Variants in ABRAXAS2 observed in about 807,000 individuals in gnomAD.
ABRAXAS2 encodes the protein abraxas 2, BRISC complex subunit, also known as BRISC complex subunit Abraxas 2.
In ABRAXAS2, 23 loss-of-function variants were observed where a neutral mutation model predicts 49.0. The ratio of observed to expected loss-of-function variants is 0.47; its 90% confidence interval spans 0.34 to 0.66. The LOEUF is 0.66. Among genes scored for constraint, ABRAXAS2 ranks in the 30% least tolerant of loss-of-function variants. The pLI, the probability that ABRAXAS2 is intolerant of heterozygous loss-of-function variation, is 0.01. For synonymous variants in ABRAXAS2, 168 were observed against 180.2 expected, an observed-to-expected ratio of 0.93 and a Z score of 0.54; for missense variants, 443 against 511.9, an observed-to-expected ratio of 0.87 and a Z score of 1.30.
intron 8 of ABRAXAS2, among the ~76,000 whole-genome samples, chr10:124,833,578 G>A (rs1428007336): frequency 6.6e-6 from 1 of 152,180 alleles, no homozygotes; most frequent in Non-Finnish European, 1.5e-5. Flanking sequence ...AGTTCAGCAA[G>A]GATTAGTGAC....
At chr10:124,819,501 G>A (rs757754050) in intron 4 of ABRAXAS2, 51 bp downstream of exon 4, 63 of 1,504,580 alleles carry the variant, frequency 4.2e-5, no homozygotes, top group Middle Eastern at 1.7e-4. Flanking sequence ...CCTTATCACC[G>A]AAAAGATAAA....
chr10:124,802,837 C>T lies in ABRAXAS2; in HGVS notation c.72+936C>T, dbSNP rs10901824. The stretch of plus-strand genomic sequence containing the variant: ...AAATGGTACACTGCAGAAGGAGGAA[C>T]TGCATTTGGTTTGATGTCAGCAATC... On this transcript the variant is annotated intron_variant, in intron 1 of 8. Transcript: ENST00000298492. Among the ~76,000 whole-genome samples the T allele has an allele frequency of 6.3e-3, 957 of 152,266 alleles. 36 individuals are homozygous for T. In the East Asian group the frequency reaches 0.089, roughly 14 times the overall value.
chr10:124,808,356 T>C (rs983515968), intron 2 of ABRAXAS2, among the ~76,000 whole-genome samples: 4 of 152,094 alleles, frequency 2.6e-5, no homozygotes, highest in African/African-American at 7.2e-5. Flanking sequence ...TTTTGTATTT[T>C]TAGTAGAGAC....
chr10:124,815,123 C>A (rs1367154477), intron 2 of ABRAXAS2: 1 of 152,086 alleles, frequency 6.6e-6, no homozygotes, highest in East Asian at 1.9e-4. Flanking sequence ...TGTGGAAATA[C>A]TTCATTTTGA....
chr10:124,826,819 A>C (rs1484837206), intron 5 of ABRAXAS2, 34 bp downstream of exon 5: 1 of 1,605,962 alleles, frequency 6.2e-7, no homozygotes, highest in Non-Finnish European at 8.5e-7. Flanking sequence ...CTCACATATA[A>C]GAAGGACGTT....
chr10:124,809,243 T>G (rs1950768545), intron 2 of ABRAXAS2, among the ~76,000 whole-genome samples: 1 of 152,216 alleles, frequency 6.6e-6, no homozygotes, highest in Admixed American at 6.5e-5. Context: ...CCTGTTCTGA[T>G]AGGCTTCTAG....
chr10:124,833,209 G>A (rs1234264813), intron 8 of ABRAXAS2, among the ~76,000 whole-genome samples: 1 of 151,098 alleles, frequency 6.6e-6, no homozygotes, highest in African/African-American at 2.4e-5. Flanking sequence ...GCTCACGCCT[G>A]TAATCTCAGC....
intron 6 of ABRAXAS2, 138 bp from the exon 7 acceptor site, chr10:124,829,255 A>G (rs1283945254): frequency 3.1e-6 from 2 of 641,436 alleles, no homozygotes; most frequent in South Asian, 1.9e-5. Context: ...TTCTTGTGGT[A>G]TGGGCATTAT....
At chr10:124,817,663 C>T (rs1950834021) in intron 3 of ABRAXAS2, among the ~76,000 whole-genome samples, 3 of 152,140 alleles carry the variant, frequency 2.0e-5, no homozygotes, top group Admixed American at 2.0e-4. Context: ...AGTTTTCACC[C>T]TGACCACTCT....
intron 2 of ABRAXAS2, among the ~76,000 whole-genome samples, chr10:124,813,511 C>T (rs1271777023): frequency 6.6e-6 from 1 of 152,208 alleles, no homozygotes. Context: ...GCGATGTGTA[C>T]ATGAGCAGGT....
intron 5 of ABRAXAS2, among the ~76,000 whole-genome samples, chr10:124,827,750 CAAAA>C (rs11306353): frequency 8.7e-6 from 1 of 115,324 alleles, no homozygotes; most frequent in Admixed American, 8.7e-5. Flanking sequence ...CTTGTTAAAC[CAAAA>C]AAAAAAAAAA....
rs1002639620 is a variant in ABRAXAS2, at chr10:124,819,310, A to G, written c.201-74A>G. The G allele has an allele frequency of 1.0e-5, 12 of 1,175,372 alleles. No individual in the cohort carries two copies. In the Admixed American group the frequency reaches 2.0e-4, roughly 20 times the overall value. The allele number at this position is 1,175,372 out of a possible 1,614,324, so 72.8% of individuals were successfully genotyped here. A position where few individuals can be genotyped will look rare whatever the true frequency, so the allele number is the denominator to read the frequency against. On this transcript the variant is annotated intron_variant, in intron 3 of 8. Coordinates refer to ENST00000298492, the MANE Select transcript of ABRAXAS2 (RefSeq NM_032182.4). ...GTTAGGTCTTCATTAGGGTTACCAC[A>G]GGCATATGCAGCCAAGCACGTCTAT...
At chr10:124,809,278 T>TTTTA (rs1489310547) in intron 2 of ABRAXAS2, among the ~76,000 whole-genome samples, 1 of 151,946 alleles carries the variant, frequency 6.6e-6, no homozygotes, top group East Asian at 1.9e-4. Context: ...GACAAGGGTG[T>TTTTA]TTTATTTATT....
rs1488201277 is a variant in ABRAXAS2, at chr10:124,801,855, C to T, written c.26C>T (p.Thr9Ile). The change falls in exon 1 of 9, where the codon ACC becomes ATC. Residue 9 changes from threonine to isoleucine, a missense_variant. This residue lies in a region of ABRAXAS2 where 47 missense variants were observed against 27.6 expected (regional missense o/e 1.70). Coordinates refer to ENST00000298492, the MANE Select transcript of ABRAXAS2 (RefSeq NM_032182.4). MAASISGY[T>I]FSAVCFHSAN... ...ATGGCGGCGTCCATTTCGGGCTACA[C>T]CTTCAGTGCTGTGTGTTTCCACAGC... The T allele has an allele frequency of 2.5e-5, 40 of 1,613,370 alleles. No individual in the cohort carries two copies. The highest frequency in any genetic ancestry group is 3.4e-5 in the Non-Finnish European group (40 of 1,179,816).
At chr10:124,828,376 A>G (rs746482011) in intron 5 of ABRAXAS2, among the ~76,000 whole-genome samples, 45 of 151,936 alleles carry the variant, frequency 3.0e-4, no homozygotes, top group Non-Finnish European at 2.2e-4. Flanking sequence ...TTATTTATTT[A>G]TTTATTTAGA....
chr10:124,826,647 A>G lies in ABRAXAS2; in HGVS notation c.320A>G (p.Tyr107Cys). Residue 107 changes from tyrosine to cysteine, a missense_variant, in exon 5 of 9, where the codon TAC (tyrosine) becomes TGC (cysteine). By Grantham distance (194) the Tyr-to-Cys change is radical. Coordinates refer to ENST00000298492, the MANE Select transcript of ABRAXAS2 (RefSeq NM_032182.4). ...FRRNTQQQMS[Y>C]REQVLHKQLT... ...CGCAATACGCAGCAGCAGATGTCCTACAGAGAGCAGGTTCTTCACAAGCAG... is the reference window on the plus strand; with the variant it reads ...CGCAATACGCAGCAGCAGATGTCCTGCAGAGAGCAGGTTCTTCACAAGCAG... 2 of 1,614,202 alleles carry G rather than the reference A, an allele frequency of 1.2e-6. No homozygotes were observed. Among genetic ancestry groups the G allele is most frequent in the East Asian group, 2.2e-5 (1 of 44,890 alleles).
At chr10:124,831,260 A>T (rs770017114) in intron 7 of ABRAXAS2, 89 bp from the exon 8 acceptor site, 9 of 788,290 alleles carry the variant, frequency 1.1e-5, no homozygotes, top group Non-Finnish European at 1.5e-5. Context: ...AACCATCTGG[A>T]CTTTTCCTGG....
At chr10:124,816,043 C>T (rs1395405660) in intron 2 of ABRAXAS2, among the ~76,000 whole-genome samples, 1 of 152,056 alleles carries the variant, frequency 6.6e-6, no homozygotes, top group Non-Finnish European at 1.5e-5. Context: ...GCTGAGATTA[C>T]AGGCGCCCGC....
chr10:124,808,177 AC>A (rs907835849), intron 2 of ABRAXAS2, among the ~76,000 whole-genome samples: 2 of 149,364 alleles, frequency 1.3e-5, no homozygotes, highest in Non-Finnish European at 3.0e-5. Flanking sequence ...TATGCGGCAA[AC>A]TTTTTTTTTT....
Sources: allele counts gnomAD v4.1 joint callset (sites outside exome capture counted in the v4.1 genomes callset), GRCh38; gene constraint gnomAD v4.1.1; regional missense constraint gnomAD v4.1.1; transcripts MANE v1.5; gene names NCBI Gene and HGNC (gene_info 2026-07-23, HGNC 2026-07-21).